IRF2BP2: variants seen among roughly 807,000 people sequenced by gnomAD.
IRF2BP2 encodes the protein interferon regulatory factor 2 binding protein 2, also known as interferon regulatory factor 2-binding protein 2.
In IRF2BP2, 13 loss-of-function variants were observed where a neutral mutation model predicts 32.7. The ratio of observed to expected loss-of-function variants is 0.40; its 90% CI spans 0.26 to 0.63. The LOEUF (loss-of-function observed/expected upper bound fraction) is 0.63, where lower values mean the gene tolerates loss of function less well. Ranked by LOEUF, IRF2BP2 falls within the 30% of genes least tolerant of loss-of-function variation. The pLI, the probability that IRF2BP2 is intolerant of heterozygous loss-of-function variation, is 0.42. For synonymous variants in IRF2BP2, 555 were observed against 384.6 expected, an observed-to-expected ratio of 1.44 and a Z score of -5.18; for missense variants, 980 against 830.6, an observed-to-expected ratio of 1.18 and a Z score of -2.21.
In IRF2BP2 at chr1:234,608,636, C is replaced by T. The variant is rs771286747; in HGVS notation, c.859G>A (p.Ala287Thr). Residue 287 changes from alanine (A) to threonine (T), a missense_variant, in exon 1 of 2, where the codon GCG becomes ACG. By Grantham distance (58) the Ala-to-Thr change is moderately conservative. Coordinates refer to ENST00000366609, the MANE Select transcript of IRF2BP2 (RefSeq NM_182972.3). ...AGAAELSAEG[A>T]GKSRGSGEQD... is the part of the protein sequence containing the mutation. ...TCTCCAGACCCGCGGCTCTTGCCCG[C>T]ACCTTCCGCGCTCAGCTCGGCGGCC... 1.3e-6 allele frequency: 2 copies of T among 1,559,870 alleles called. No homozygotes were observed. Among genetic ancestry groups the T allele is most frequent in the Non-Finnish European group, 1.7e-6 (2 of 1,158,698 alleles).
chr1:234,609,726 C>T lies in IRF2BP2; in HGVS notation c.-232G>A, dbSNP rs1672293622. On this transcript the variant is annotated 5_prime_UTR_variant, in exon 1 of 2. Coordinates refer to ENST00000366609, the MANE Select transcript of IRF2BP2 (RefSeq NM_182972.3). ...GCGGCGGGCGCGAGGTGAGGGGCTGCAGCCGCGGCAGCAGTTCCCCCCGGC... is the reference window on the plus strand; with the variant it reads ...GCGGCGGGCGCGAGGTGAGGGGCTGTAGCCGCGGCAGCAGTTCCCCCCGGC... 6.9e-5 allele frequency among the ~76,000 whole-genome samples: 10 copies of T among 144,620 alleles called. No individual in the cohort carries two copies. 94.9% of individuals were successfully genotyped at this position (144,620 alleles called of 152,430 possible). A position where few individuals can be genotyped will look rare whatever the true frequency, so the allele number is the denominator to read the frequency against.
Position 234,608,449 on chromosome 1 carries a change from G to C in IRF2BP2, c.1046C>G (p.Ala349Gly). ...CCTCACTTCACAGCCGCCCCTACCT[G>C]CTTTAGACCCGTTGGCCCCGTTGGC... ...FEANGANGSK[A>G]VARTARKRKP... Residue 349 changes from alanine (A) to glycine (G), a missense_variant and splice_region_variant, in exon 1 of 2, where the codon GCA becomes GGA. Physicochemically the swap from Ala to Gly is moderately conservative, Grantham distance 60. Transcript: ENST00000366609. 1 of 1,568,776 alleles carries C rather than the reference G, an allele frequency of 6.4e-7. No individual in the cohort carries two copies. The highest frequency in any genetic ancestry group is 8.7e-7 in the Non-Finnish European group (1 of 1,155,060).
rs1672286713 is a variant in IRF2BP2, at chr1:234,609,600, C to T, written c.-106G>A. 7.2e-6 allele frequency: 4 copies of T among 556,108 alleles called. No individual in the cohort carries two copies. Among genetic ancestry groups the T allele is most frequent in the South Asian group, 7.4e-5 (1 of 13,472 alleles). 34.4% of individuals were successfully genotyped at this position (556,108 alleles called of 1,614,324 possible). A position where few individuals can be genotyped will look rare whatever the true frequency, so the allele number is the denominator to read the frequency against. The stretch of plus-strand genomic sequence containing the variant: ...GCGCCCTCCTCCCCCCCCAACCCCG[C>T]GTCTCCCCCACCAGCGGCGGCGGCG... On this transcript the variant is annotated 5_prime_UTR_variant, in exon 1 of 2. Transcript: ENST00000366609.
chr1:234,608,055 G>T (rs1223458868), intron 1 of IRF2BP2: 14 of 570,446 alleles, frequency 2.5e-5, no homozygotes, highest in Non-Finnish European at 3.7e-5. Flanking sequence ...GCAGCAGACT[G>T]ATTTAAAATG....
chr1:234,607,411 G>A lies in IRF2BP2; in HGVS notation c.1490C>T (p.Ser497Phe). ...GCACAGCGGGGCACTGGTTGCCAGA[G>A]AGGAGTCCGGGAGGCTGGCAGGGTG... ...PVHPASLPDS[S>F]LATSAPLCCT... Residue 497 changes from serine to phenylalanine, a missense_variant, in exon 2 of 2, where the codon TCT (serine) becomes TTT (phenylalanine). Physicochemically the swap from Ser to Phe is radical, Grantham distance 155. Transcript: ENST00000366609. 1.2e-6 allele frequency: 2 copies of A among 1,614,136 alleles called. No homozygotes were observed. Among genetic ancestry groups the A allele is most frequent in the Non-Finnish European group, 1.7e-6 (2 of 1,179,960 alleles).
Position 234,607,617 on chromosome 1 carries a change from C to G in IRF2BP2, c.1284G>C (p.Leu428=), listed in dbSNP as rs1672198972. Residue 428 remains leucine, a synonymous_variant, in exon 2 of 2, where the codon CTG becomes CTC. Transcript: ENST00000366609. ...AQNGQSPMAA[L]ILVADNAGGS... is the part of the protein sequence containing the mutation. ...CCCCTGCATTGTCTGCTACTAAGATCAGGGCTGCCATGGGGGACTGGCCAT... is the reference window on the plus strand; with the variant it reads ...CCCCTGCATTGTCTGCTACTAAGATGAGGGCTGCCATGGGGGACTGGCCAT... 6.2e-7 allele frequency: 1 copy of G among 1,614,084 alleles called. No individual in the cohort carries two copies. The highest frequency in any genetic ancestry group is 1.3e-5 in the African/African-American group (1 of 74,926).
rs751005303 is a variant in IRF2BP2 at position 234,607,297 on chromosome 1, C to T, written c.1604G>A (p.Arg535Lys). The T allele has an allele frequency of 3.9e-5, 63 of 1,614,104 alleles. No individual in the cohort carries two copies. The highest frequency in any genetic ancestry group is 2.2e-5 in the South Asian group (2 of 91,088). ...AGCTCCCTGCTGTTTGATGCTTTGT[C>T]TGGAGCAAGGGAAGCAGAACTTGTG... is the stretch of plus-strand genomic sequence containing the variant. ...PSHKFCFPCS[R>K]QSIKQQGASG... Residue 535 changes from arginine to lysine, a missense_variant, in exon 2 of 2, where the codon AGA (arginine) becomes AAA (lysine). Coordinates refer to ENST00000366609, the MANE Select transcript of IRF2BP2 (RefSeq NM_182972.3).
In IRF2BP2 at chr1:234,608,697, G is replaced by A. The variant is rs1426582957; in HGVS notation, c.798C>T (p.His266=). ...TGGACAGGCTGTCGGCCGGGCCCCG[G>A]TGCGCAGGCGGCGGCGGTTGTTTCT... ...AKEKQPPPPA[H]RGPADSLSTA... Residue 266 remains histidine, a synonymous_variant, in exon 1 of 2, where the codon CAC becomes CAT. Coordinates refer to ENST00000366609, the MANE Select transcript of IRF2BP2 (RefSeq NM_182972.3). The A allele has an allele frequency of 2.7e-6, 4 of 1,504,238 alleles. No homozygotes were observed. The highest frequency in any genetic ancestry group is 5.4e-5 in the East Asian group (2 of 37,162). 93.2% of individuals were successfully genotyped at this position (1,504,238 alleles called of 1,614,324 possible).
Position 234,606,861 on chromosome 1 carries a change from C to T in IRF2BP2, c.*276G>A, listed in dbSNP as rs939379819. ...TGCTCTAAAAAAGCAGCGCAAGTCA[C>T]AGCCTACATAGAACGGTAACTGTCA... is the stretch of plus-strand genomic sequence containing the variant. On this transcript the variant is annotated 3_prime_UTR_variant, in exon 2 of 2. Transcript: ENST00000366609. 7 of 262,448 alleles carry T rather than the reference C, an allele frequency of 2.7e-5. No homozygotes were observed. 16.3% of individuals were successfully genotyped at this position (262,448 alleles called of 1,614,324 possible).
At chr1:234,608,211 T>C in intron 1 of IRF2BP2, 5 of 525,128 alleles carry the variant, frequency 9.5e-6, no homozygotes, top group South Asian at 3.0e-5. Flanking sequence ...AAGAATGTGC[T>C]GGGAAAGGAA....
chr1:234,608,881 A>C lies in IRF2BP2; in HGVS notation c.614T>G (p.Leu205Arg). 1 of 1,320,316 alleles carries C rather than the reference A, an allele frequency of 7.6e-7. No individual in the cohort carries two copies. Among genetic ancestry groups the C allele is most frequent in the South Asian group, 2.2e-5 (1 of 45,146 alleles). The allele number at this position is 1,320,316 out of a possible 1,614,324, so 81.8% of individuals were successfully genotyped here. A position where few individuals can be genotyped will look rare whatever the true frequency, so the allele number is the denominator to read the frequency against. Residue 205 changes from leucine (L) to arginine (R), a missense_variant, in exon 1 of 2, where the codon CTC becomes CGC. Transcript: ENST00000366609. ...TAAGGAGGCGGCAGCGCGGCCGCCG[A>C]GGCCGAGCGCGGTGGGCAGCGGCGT... ...SATPLPTALG[L>R]GGRAAASLAA...
intron 1 of IRF2BP2, chr1:234,608,087 T>C (rs1672216591): frequency 3.6e-6 from 2 of 559,762 alleles, no homozygotes; most frequent in African/African-American, 1.9e-5. Flanking sequence ...AATGACACGC[T>C]TGTAACTGCC....
In IRF2BP2 at chr1:234,609,584, T is replaced by C. The variant is rs1571959337; in HGVS notation, c.-90A>G. ...CCCACCGGCACCACGCGCGCCCTCC[T>C]CCCCCCCCAACCCCGCGTCTCCCCC... On this transcript the variant is annotated 5_prime_UTR_variant, in exon 1 of 2. Coordinates refer to ENST00000366609, the MANE Select transcript of IRF2BP2 (RefSeq NM_182972.3). 3 of 677,738 alleles carry C rather than the reference T, an allele frequency of 4.4e-6. No homozygotes were observed. The highest frequency in any genetic ancestry group is 3.9e-5 in the South Asian group (1 of 25,512). 42.0% of individuals were successfully genotyped at this position (677,738 alleles called of 1,614,324 possible). A position where few individuals can be genotyped will look rare whatever the true frequency, so the allele number is the denominator to read the frequency against.
rs1006391357 is a variant in IRF2BP2 at position 234,605,311 on chromosome 1, T to C, written c.*1826A>G. 6.6e-6 allele frequency: 1 copy of C among 152,264 alleles called. No homozygotes were observed. The highest frequency in any genetic ancestry group is 1.9e-4 in the East Asian group (1 of 5,204). The allele number at this position is 152,264 out of a possible 1,614,324, so 9.4% of individuals were successfully genotyped here. A position where few individuals can be genotyped will look rare whatever the true frequency, so the allele number is the denominator to read the frequency against. On this transcript the variant is annotated 3_prime_UTR_variant, in exon 2 of 2. Transcript: ENST00000366609. ...AGAGACCAGTCTGCACTGAGTCATA[T>C]ATACTCCAACTTGAAAAAGTAAGTG...
rs368532637 is a variant in IRF2BP2 at position 234,609,402 on chromosome 1, G to A, written c.93C>T (p.Asp31=). Residue 31 remains aspartate, a synonymous_variant, in exon 1 of 2, where the codon GAC becomes GAT. Transcript: ENST00000366609. ...LPRMPWAMIW[D]FTEPVCRGCV... ...AGCCGCGGCAGACGGGTTCGGTGAA[G>A]TCCCAGATCATGGCCCAGGGCATGC... is the stretch of plus-strand genomic sequence containing the variant. 230 of 1,566,258 alleles carry A rather than the reference G, an allele frequency of 1.5e-4. No individual in the cohort carries two copies. The African/African-American group carries it at 1.8e-3, about 12-fold the overall frequency.
chr1:234,608,570 G>A lies in IRF2BP2; in HGVS notation c.925C>T (p.Leu309=), dbSNP rs1412426405. 5 of 1,608,400 alleles carry A rather than the reference G, an allele frequency of 3.1e-6. No individual in the cohort carries two copies. The highest frequency in any genetic ancestry group is 1.3e-5 in the African/African-American group (1 of 74,730). ...VNRPKTVRDT[L]LALHQHGHSG... ...TGGCCGTGCTGGTGCAGCGCCAGCA[G>A]CGTGTCGCGCACGGTCTTGGGCCTG... The change falls in exon 1 of 2, where the codon CTG becomes TTG. Residue 309 remains leucine (L), a synonymous_variant. Coordinates refer to ENST00000366609, the MANE Select transcript of IRF2BP2 (RefSeq NM_182972.3).
chr1:234,607,110 C>A lies in IRF2BP2; in HGVS notation c.*27G>T. On this transcript the variant is annotated 3_prime_UTR_variant, in exon 2 of 2. Coordinates refer to ENST00000366609, the MANE Select transcript of IRF2BP2 (RefSeq NM_182972.3). ...TCAAGCAGTTTTAATTAAGGGTAAT[C>A]ATTGGGTTTTTCTGAAACCGGAAAA... The A allele has an allele frequency of 6.5e-7, 1 of 1,532,336 alleles. No homozygotes were observed. Among genetic ancestry groups the A allele is most frequent in the Non-Finnish European group, 9.0e-7 (1 of 1,112,732 alleles). The allele number at this position is 1,532,336 out of a possible 1,614,324, so 94.9% of individuals were successfully genotyped here.
At position 234,605,970 on chromosome 1, in the gene IRF2BP2, T is replaced by C. The variant is rs1672149484; in HGVS notation, c.*1167A>G. 1 of 152,202 alleles carries C rather than the reference T, an allele frequency of 6.6e-6. No homozygotes were observed. The highest frequency in any genetic ancestry group is 2.1e-4 in the South Asian group (1 of 4,832). The allele number at this position is 152,202 out of a possible 1,614,324, so 9.4% of individuals were successfully genotyped here. A position where few individuals can be genotyped will look rare whatever the true frequency, so the allele number is the denominator to read the frequency against. On this transcript the variant is annotated 3_prime_UTR_variant, in exon 2 of 2. Transcript: ENST00000366609. ...TTATTCACTTGGTATTTCAAACACA[T>C]GTTAAGAAGGAAATTACAGGTTTCC...
Position 234,607,474 on chromosome 1 carries a change from C to G in IRF2BP2, c.1427G>C (p.Gly476Ala), listed in dbSNP as rs1672194891. The G allele has an allele frequency of 6.2e-7, 1 of 1,614,070 alleles. No homozygotes were observed. The highest frequency in any genetic ancestry group is 1.6e-4 in the Middle Eastern group (1 of 6,062). ...QRRLGPREVG[G>A]QGAGNTGGLE... ...TCCTCCTGTGTTGCCTGCTCCCTGG[C>G]CCCCCACCTCTCTGGGGCCCAGCCT... Residue 476 changes from glycine to alanine, a missense_variant, in exon 2 of 2, where the codon GGC becomes GCC. Gly to Ala is a moderately conservative substitution (Grantham distance 60, BLOSUM62 0). Coordinates refer to ENST00000366609, the MANE Select transcript of IRF2BP2 (RefSeq NM_182972.3).
Sources: allele counts gnomAD v4.1 joint callset (sites outside exome capture counted in the v4.1 genomes callset), GRCh38; gene constraint gnomAD v4.1.1; transcripts MANE v1.5; gene names NCBI Gene and HGNC (gene_info 2026-07-23, HGNC 2026-07-21).